The following KANSL1L variants were observed in gnomAD, a reference collection of about 807,000 sequenced individuals.
KANSL1L encodes KAT8 regulatory NSL complex subunit 1-like protein.
Under a neutral mutation model 108.6 loss-of-function variants are expected in KANSL1L, and 25 were observed. The ratio of observed to expected loss-of-function variants is 0.23; its 90% CI spans 0.17 to 0.32. The LOEUF (loss-of-function observed/expected upper bound fraction) is 0.32. Among genes scored for constraint, KANSL1L ranks in the 10% least tolerant of loss-of-function variants. The pLI is 1.00. For synonymous variants in KANSL1L, 405 were observed against 395.1 expected (o/e 1.03, Z -0.30); for missense variants, 1,137 against 1,125.7 (o/e 1.01, Z -0.14).
intron 3 of KANSL1L, among the ~76,000 whole-genome samples, chr2:210,117,863 TA>T (rs985758480): frequency 6.6e-6 from 1 of 152,100 alleles, no homozygotes; most frequent in African/African-American, 2.4e-5. Context: ...GACTGTATTA[TA>T]AAAAAATAGA....
At chr2:210,101,025 T>A (rs2094788890) in intron 4 of KANSL1L, among the ~76,000 whole-genome samples, 1 of 152,246 alleles carries the variant, frequency 6.6e-6, no homozygotes, top group Admixed American at 6.5e-5. Flanking sequence ...GACTTGTTCA[T>A]AGGCAATTTA....
At chr2:210,029,753 T>G in intron 10 of KANSL1L, 50 bp downstream of exon 10, 1 of 864,552 alleles carries the variant, frequency 1.2e-6, no homozygotes, top group Non-Finnish European at 1.9e-6. Context: ...CAAAATCAGG[T>G]GTTTTTATTT....
At chr2:210,108,489 T>C (rs1467773316) in intron 3 of KANSL1L, among the ~76,000 whole-genome samples, 5 of 152,190 alleles carry the variant, frequency 3.3e-5, no homozygotes, top group South Asian at 2.1e-4. Context: ...CTTTCTTAAG[T>C]TAAAGGATTA....
intron 1 of KANSL1L, among the ~76,000 whole-genome samples, chr2:210,166,176 A>G (rs1166892093): frequency 6.6e-6 from 1 of 152,124 alleles, no homozygotes; most frequent in Non-Finnish European, 1.5e-5. Context: ...AGTTTAATCT[A>G]TATTTTTTAA....
intron 4 of KANSL1L, among the ~76,000 whole-genome samples, chr2:210,099,620 A>G (rs1260633190): frequency 6.6e-6 from 1 of 152,214 alleles, no homozygotes; most frequent in Non-Finnish European, 1.5e-5. Flanking sequence ...ATGCAAATAA[A>G]TTCTGAAGTA....
chr2:210,104,937 G>C (rs2094831518), intron 3 of KANSL1L, among the ~76,000 whole-genome samples: 1 of 152,078 alleles, frequency 6.6e-6, no homozygotes, highest in Non-Finnish European at 1.5e-5. Flanking sequence ...TTTCAACTTT[G>C]ATGGGGTATA....
At chr2:210,026,633 C>T (rs1012892773) in intron 12 of KANSL1L, among the ~76,000 whole-genome samples, 5 of 152,140 alleles carry the variant, frequency 3.3e-5, no homozygotes, top group African/African-American at 9.7e-5. Flanking sequence ...TCCTAAGATT[C>T]TGAAAATGGC....
chr2:210,079,007 G>A (rs1429578748), intron 5 of KANSL1L, among the ~76,000 whole-genome samples: 1 of 152,106 alleles, frequency 6.6e-6, no homozygotes, highest in African/African-American at 2.4e-5. Context: ...CTGGAAGGCA[G>A]TAGAACAATT....
At chr2:210,066,515 T>C (rs1209192584) in intron 6 of KANSL1L, among the ~76,000 whole-genome samples, 2 of 152,240 alleles carry the variant, frequency 1.3e-5, no homozygotes, top group African/African-American at 4.8e-5. Context: ...CATAGGTATA[T>C]GCCCTGGTAA....
chr2:210,157,854 A>G (rs1335549192), intron 1 of KANSL1L, among the ~76,000 whole-genome samples: 24 of 152,056 alleles, frequency 1.6e-4, no homozygotes, highest in Admixed American at 1.4e-3. Flanking sequence ...CTGCAAAAAA[A>G]TGATAGTGCC....
At chr2:210,166,709 A>G (rs1687993101) in intron 1 of KANSL1L, among the ~76,000 whole-genome samples, 1 of 152,130 alleles carries the variant, frequency 6.6e-6, no homozygotes, top group Admixed American at 6.5e-5. Context: ...GAAACAAACT[A>G]GGAAAACATT....
chr2:210,083,826 T>C (rs1472289502), intron 5 of KANSL1L, among the ~76,000 whole-genome samples: 2 of 98,908 alleles, frequency 2.0e-5, no homozygotes, highest in Admixed American at 1.3e-4. Context: ...TGAGACTCCA[T>C]CTCAAAAAAA....
intron 5 of KANSL1L, among the ~76,000 whole-genome samples, chr2:210,093,045 G>A (rs537439084): frequency 6.6e-6 from 1 of 152,188 alleles, no homozygotes; most frequent in Non-Finnish European, 1.5e-5. Context: ...TAATGGCATA[G>A]GCCCTGAAAG....
At chr2:210,145,721 A>T (rs1187833806) in intron 2 of KANSL1L, among the ~76,000 whole-genome samples, 1 of 152,212 alleles carries the variant, frequency 6.6e-6, no homozygotes, top group African/African-American at 2.4e-5. Flanking sequence ...TGAGGCACAG[A>T]TGTTGAAAGA....
intron 3 of KANSL1L, among the ~76,000 whole-genome samples, chr2:210,121,199 C>T (rs1030220959): frequency 5.9e-5 from 9 of 152,080 alleles, no homozygotes; most frequent in African/African-American, 2.2e-4. Context: ...CACATGTGTA[C>T]GTTTATTGCA....
In KANSL1L at chr2:210,154,561, C is replaced by G; in HGVS notation, c.22G>C (p.Ala8Pro). The change falls in exon 2 of 15, where the codon GCA becomes CCA. Residue 8 changes from alanine to proline, a missense_variant. Around this residue, in one of 3 missense-constraint regions of KANSL1L, gnomAD observed 556 missense variants for 537.7 expected, o/e 1.03. Coordinates refer to ENST00000281772, the MANE Select transcript of KANSL1L (RefSeq NM_152519.4). ...GAAAAGCTGATACCCTTTGCTGTTG[C>G]CTCCCTCAGAGCTGGGGTCATGGCG... Reference protein sequence around the residue: MTPALREATAKGISFSSL... With the variant: MTPALREPTAKGISFSSL... The G allele has an allele frequency of 6.5e-7, 1 of 1,535,236 alleles. No homozygotes were observed. Among genetic ancestry groups the G allele is most frequent in the Non-Finnish European group, 8.8e-7 (1 of 1,140,848 alleles).
chr2:210,159,487 G>A (rs1212402542), intron 1 of KANSL1L, among the ~76,000 whole-genome samples: 2 of 152,074 alleles, frequency 1.3e-5, no homozygotes, highest in Admixed American at 1.3e-4. Context: ...TACATTCTAG[G>A]AAAGAATGTA....
intron 7 of KANSL1L, 22 bp from the exon 8 acceptor site, chr2:210,040,549 G>A (rs1311664564): frequency 2.5e-6 from 3 of 1,194,956 alleles, no homozygotes; most frequent in East Asian, 2.5e-5. Context: ...AAATAAAAAA[G>A]GTATTTTCAA....
chr2:210,024,226 A>G, intron 13 of KANSL1L, 25 bp from the exon 14 acceptor site: 1 of 1,513,804 alleles, frequency 6.6e-7, no homozygotes, highest in Non-Finnish European at 8.9e-7. Flanking sequence ...AGGAAAACAC[A>G]ATTATTTTTT....
Sources: gnomAD v4.1 joint callset for allele counts (sites outside exome capture counted in the v4.1 genomes callset) on GRCh38, gnomAD v4.1.1 for gene constraint, gnomAD v4.1.1 regional missense constraint, MANE v1.5 for transcripts, NCBI Gene and HGNC (gene_info 2026-07-23, HGNC 2026-07-21) for gene names.